COL4A1: variants seen among roughly 807,000 people sequenced by gnomAD.
COL4A1 encodes collagen type IV alpha 1 chain, also known as collagen alpha-1(IV) chain.
A neutral mutation model predicts 216.6 loss-of-function variants in COL4A1; 40 were observed. The ratio of observed to expected loss-of-function variants is 0.18; its 90% CI spans 0.14 to 0.24. COL4A1 has a LOEUF of 0.24. Ranked by LOEUF, COL4A1 falls within the 10% of genes least tolerant of loss-of-function variation. COL4A1 has a pLI of 1.00. For synonymous variants in COL4A1, 839 were observed against 810.7 expected (o/e 1.03, Z -0.59); for missense variants, 1,628 against 2,196.8 (o/e 0.74, Z 5.18).
chr13:110,184,940 G>C (rs553847784), intron 26 of COL4A1, among the ~76,000 whole-genome samples: 1 of 152,198 alleles, frequency 6.6e-6, no homozygotes, highest in Non-Finnish European at 1.5e-5. Context: ...AAAGTGCTGG[G>C]ATTACAGGCA....
At chr13:110,252,238 G>C (rs958122729) in intron 1 of COL4A1, among the ~76,000 whole-genome samples, 6 of 151,672 alleles carry the variant, frequency 4.0e-5, no homozygotes, top group Non-Finnish European at 7.4e-5. Flanking sequence ...TGGCCAGGCT[G>C]GTCTCGAACT....
chr13:110,216,487 A>G (rs544924560), intron 2 of COL4A1, among the ~76,000 whole-genome samples: 88 of 152,334 alleles, frequency 5.8e-4, no homozygotes, highest in African/African-American at 1.9e-3. Context: ...AGGAAATGAG[A>G]AAGGCAGGTC....
rs1360066717 is a variant in COL4A1, at chr13:110,268,831, G to C, written c.85-26097C>G. On this transcript the variant is annotated intron_variant, in intron 1 of 51. Coordinates refer to ENST00000375820, the MANE Select transcript of COL4A1 (RefSeq NM_001845.6). The surrounding 1 kb of genome is among the most constrained non-coding windows in gnomAD (Gnocchi z 4.1). ...TGTCATCCGCCCATCTTCCAGCCGA[G>C]GGCAGGTGAGACACAAGGAGGAGGG... is the stretch of plus-strand genomic sequence containing the variant. 6.6e-6 allele frequency among the ~76,000 whole-genome samples: 1 copy of C among 152,204 alleles called. No homozygotes were observed. Among genetic ancestry groups the C allele is most frequent in the Non-Finnish European group, 1.5e-5 (1 of 68,044 alleles).
intron 46 of COL4A1, 136 bp from the exon 47 acceptor site, chr13:110,163,697 C>T: frequency 2.3e-6 from 2 of 860,672 alleles, no homozygotes; most frequent in Admixed American, 2.0e-5. Context: ...TTTTCTCGGA[C>T]AGCCAGGAGT....
chr13:110,259,394 A>C (rs1882711246), intron 1 of COL4A1, among the ~76,000 whole-genome samples: 1 of 152,210 alleles, frequency 6.6e-6, no homozygotes, highest in South Asian at 2.1e-4. Context: ...TTTCATTAAC[A>C]ATACTACTTA....
At chr13:110,262,286 G>A (rs1882861214) in intron 1 of COL4A1, among the ~76,000 whole-genome samples, 1 of 152,128 alleles carries the variant, frequency 6.6e-6, no homozygotes, top group South Asian at 2.1e-4. Context: ...GTGGGGGGCT[G>A]AGACCGCCCA....
At chr13:110,284,453 G>A (rs186328281) in intron 1 of COL4A1, among the ~76,000 whole-genome samples, 2 of 152,292 alleles carry the variant, frequency 1.3e-5, no homozygotes, top group Non-Finnish European at 2.9e-5. Context: ...AACGTCTTGA[G>A]AAGTCAACAT....
Position 110,183,367 on chromosome 13 carries a change from C to A in COL4A1, c.1898-91G>T, listed in dbSNP as rs1256512598. ...CACGCAGTGGGTGGGCTGCACGCCA[C>A]ATCCTACCCAGCACCACGAGTGCCC... On this transcript the variant is annotated intron_variant, in intron 26 of 51. Transcript: ENST00000375820. 3 of 1,198,432 alleles carry A rather than the reference C, an allele frequency of 2.5e-6. No individual in the cohort carries two copies. In the African/African-American group the frequency reaches 4.5e-5, roughly 18 times the overall value. The allele number at this position is 1,198,432 out of a possible 1,614,324, so 74.2% of individuals were successfully genotyped here.
At chr13:110,231,248 T>A (rs755347909) in intron 2 of COL4A1, among the ~76,000 whole-genome samples, 1 of 152,168 alleles carries the variant, frequency 6.6e-6, no homozygotes, top group Non-Finnish European at 1.5e-5. Context: ...TTCACACTCA[T>A]GGAGATGTGT....
At chr13:110,279,965 G>A (rs1261326539) in intron 1 of COL4A1, among the ~76,000 whole-genome samples, 1 of 152,126 alleles carries the variant, frequency 6.6e-6, no homozygotes, top group South Asian at 2.1e-4. Flanking sequence ...TAGGTCCTGT[G>A]AACTCCAGTG....
rs139941431 is a variant in COL4A1, at chr13:110,295,131, C to T, written c.84+11813G>A. On this transcript the variant is annotated intron_variant, in intron 1 of 51. Coordinates refer to ENST00000375820, the MANE Select transcript of COL4A1 (RefSeq NM_001845.6). ...ATTTCCTTAAGACATGTACAGAGCT[C>T]AGAAGACTTTATGAAGTTGTATGTG... Among the ~76,000 whole-genome samples, 258 of 152,234 alleles carry T rather than the reference C, an allele frequency of 1.7e-3. No homozygotes were observed. In the Middle Eastern group the frequency reaches 0.034, roughly 20 times the overall value.
Position 110,252,327 on chromosome 13 carries a change from T to A in COL4A1, c.85-9593A>T, listed in dbSNP as rs144487343. On this transcript the variant is annotated intron_variant, in intron 1 of 51. Transcript: ENST00000375820. Reference sequence around the variant, plus strand: ...GTGTGAGCCACCACTCCCAGCCAAATAAATTACATTTTAATCTATTCCATC... The same window carrying A: ...GTGTGAGCCACCACTCCCAGCCAAAAAAATTACATTTTAATCTATTCCATC... Among the ~76,000 whole-genome samples the A allele has an allele frequency of 1.9e-3, 283 of 151,752 alleles. 2 individuals carry two copies. The highest frequency in any genetic ancestry group is 6.4e-3 in the African/African-American group (265 of 41,380).
At chr13:110,257,336 C>T (rs1476212870) in intron 1 of COL4A1, among the ~76,000 whole-genome samples, 1 of 152,166 alleles carries the variant, frequency 6.6e-6, no homozygotes, top group Non-Finnish European at 1.5e-5. Flanking sequence ...TTCCATGCGA[C>T]ATCCTTCCAA....
intron 30 of COL4A1, 28 bp from the exon 31 acceptor site, chr13:110,179,064 G>A: frequency 6.3e-7 from 1 of 1,594,978 alleles, no homozygotes; most frequent in South Asian, 1.1e-5. Flanking sequence ...AGAGTAAGCT[G>A]TACAGGAGCA....
chr13:110,306,892 G>T, intron 1 of COL4A1, 52 bp downstream of exon 1: 1 of 1,415,474 alleles, frequency 7.1e-7, no homozygotes, highest in South Asian at 1.5e-5. Flanking sequence ...GGCCTCTCGG[G>T]GCGCCCAAGC....
chr13:110,277,942 A>G (rs1195372354), intron 1 of COL4A1, among the ~76,000 whole-genome samples: 1 of 152,128 alleles, frequency 6.6e-6, no homozygotes, highest in African/African-American at 2.4e-5. Flanking sequence ...TGCTAGCATT[A>G]TTGCCTTTGA....
intron 35 of COL4A1, 50 bp from the exon 36 acceptor site, chr13:110,176,563 C>T (rs1440241101): frequency 6.3e-7 from 1 of 1,592,960 alleles, no homozygotes; most frequent in African/African-American, 1.3e-5. Flanking sequence ...ACAGAAAGAG[C>T]TGGGGAACAC....
At chr13:110,305,567 T>C (rs1228583391) in intron 1 of COL4A1, among the ~76,000 whole-genome samples, 3 of 152,264 alleles carry the variant, frequency 2.0e-5, no homozygotes, top group East Asian at 3.8e-4. Flanking sequence ...TTGGTCAATA[T>C]TTCTAGACCA....
rs367850749 is a variant in COL4A1 at position 110,252,648 on chromosome 13, A to AT, written c.85-9915_85-9914insA. On this transcript the variant is annotated intron_variant, in intron 1 of 51. Coordinates refer to ENST00000375820, the MANE Select transcript of COL4A1 (RefSeq NM_001845.6). Reference sequence around the variant, plus strand: ...GTATATATTATATATACTTATATACAAAATGTATATATGTATATATACATA... The same window carrying AT: ...GTATATATTATATATACTTATATACATAAATGTATATATGTATATATACATA... Among the ~76,000 whole-genome samples the AT allele has an allele frequency of 2.7e-3, 105 of 38,814 alleles. 50 individuals are homozygous for AT. The highest frequency in any genetic ancestry group is 6.0e-3 in the Admixed American group (17 of 2,844). The allele number at this position is 38,814 out of a possible 152,430, so 25.5% of individuals were successfully genotyped here. A position where few individuals can be genotyped will look rare whatever the true frequency, so the allele number is the denominator to read the frequency against.
Sources: gnomAD v4.1 joint callset for allele counts (sites outside exome capture counted in the v4.1 genomes callset) on GRCh38, gnomAD v4.1.1 for gene constraint, Gnocchi (gnomAD v3.1) non-coding constraint, MANE v1.5 for transcripts, NCBI Gene and HGNC (gene_info 2026-07-23, HGNC 2026-07-21) for gene names.